Variants in ZNF326 observed in about 807,000 individuals in gnomAD.
ZNF326 encodes the protein DBIRD complex subunit ZNF326.
In ZNF326, 30 loss-of-function variants were observed where a neutral mutation model predicts 63.1. That is an observed-to-expected ratio of 0.48 (90% confidence interval 0.36 to 0.64). ZNF326 has a LOEUF of 0.64. Ranked by LOEUF, ZNF326 falls within the 30% of genes least tolerant of loss-of-function variation. The probability of loss-of-function intolerance (pLI) is 0.00; values close to 1 mark genes in which losing one functional copy is unlikely to be tolerated. For missense variants in ZNF326, 609 were observed against 720.3 expected (o/e 0.85, Z 1.77); for synonymous variants, 194 against 228.2 (o/e 0.85, Z 1.35).
intron 6 of ZNF326, 73 bp downstream of exon 6, chr1:90,010,359 T>G (rs1649178410): frequency 6.8e-7 from 1 of 1,470,264 alleles, no homozygotes; most frequent in African/African-American, 1.4e-5. Flanking sequence ...TTTTGGTAAT[T>G]TTTTCATGTT....
chr1:90,018,120 C>T (rs1043029755), intron 8 of ZNF326, among the ~76,000 whole-genome samples: 2 of 151,940 alleles, frequency 1.3e-5, no homozygotes, highest in African/African-American at 2.4e-5. Context: ...GGTGAAACCC[C>T]GTCTTTACTA....
At chr1:90,014,064 C>CAA (rs796712820) in intron 7 of ZNF326, among the ~76,000 whole-genome samples, 3 of 127,710 alleles carry the variant, frequency 2.3e-5, no homozygotes, top group East Asian at 4.5e-4. Context: ...GACTCTGTCT[C>CAA]AAAAAAAAAA....
intron 9 of ZNF326, among the ~76,000 whole-genome samples, chr1:90,020,126 CTTACGATTTTA>C (rs1649693372): frequency 6.6e-6 from 1 of 152,002 alleles, no homozygotes; most frequent in Non-Finnish European, 1.5e-5. Context: ...TTTTTCTTAT[CTTACGATTTTA>C]TTACATGATC....
At position 90,017,403 on chromosome 1, in the gene ZNF326, A is replaced by C. The variant is rs755236549; in HGVS notation, c.1013A>C (p.Glu338Ala). Residue 338 changes from glutamate (E) to alanine (A), a missense_variant, in exon 8 of 12, where the codon GAA becomes GCA. By Grantham distance (107) the Glu-to-Ala change is moderately radical. This residue lies in a region of ZNF326 where 399 missense variants were observed against 444.3 expected (regional missense o/e 0.90). Transcript: ENST00000340281. ...CATCTGGAAAGTTCTTCACATCAGG[A>C]AACATTAGATCATATACAGAAACAA... is the stretch of plus-strand genomic sequence containing the variant. ...ELHLESSSHQ[E>A]TLDHIQKQTK... The C allele has an allele frequency of 1.9e-6, 3 of 1,607,044 alleles. No individual in the cohort carries two copies. The highest frequency in any genetic ancestry group is 2.5e-6 in the Non-Finnish European group (3 of 1,178,046).
In ZNF326 at chr1:90,027,482, G is replaced by A; in HGVS notation, c.1530G>A (p.Glu510=). 6.2e-7 allele frequency: 1 copy of A among 1,613,590 alleles called. No homozygotes were observed. The highest frequency in any genetic ancestry group is 1.1e-5 in the South Asian group (1 of 91,030). ...ATGAAGATGAGGAAGAAGAAGCAGA[G>A]GAAGTGGGGGAAGTAGAGGAAGTGG... The part of the protein sequence containing the change: ...EEDEDEEEEA[E]EVGEVEEVEE... The change falls in exon 12 of 12, where the codon GAG becomes GAA. Residue 510 remains glutamate (E), a synonymous_variant. Coordinates refer to ENST00000340281, the MANE Select transcript of ZNF326 (RefSeq NM_182976.4).
In ZNF326 at chr1:89,997,856, T is replaced by A. The variant is rs189925889; in HGVS notation, c.17-254T>A. Among the ~76,000 whole-genome samples, 1,066 of 152,350 alleles carry A rather than the reference T, an allele frequency of 7.0e-3. 8 individuals carry two copies. The highest frequency in any genetic ancestry group is 0.011 in the Non-Finnish European group (728 of 68,028). On this transcript the variant is annotated intron_variant, in intron 1 of 11. Transcript: ENST00000340281. The stretch of plus-strand genomic sequence containing the variant: ...ATCCCCTCTTTTGGCTGTTATTATG[T>A]ATCAGGTGTTGTAAACTAATGTTTA...
Position 89,995,859 on chromosome 1 carries a change from G to GTGT in ZNF326, c.16+588_16+590dup, listed in dbSNP as rs751376799. ...GATGTTTCCTGGTTAGTAAACTGGGGTGTTTATCACCAAAAATTACCTGCT... is the reference window on the plus strand; with the variant it reads ...GATGTTTCCTGGTTAGTAAACTGGGGTGTTGTTTATCACCAAAAATTACCTGCT... On this transcript the variant is annotated intron_variant, in intron 1 of 11. Coordinates refer to ENST00000340281, the MANE Select transcript of ZNF326 (RefSeq NM_182976.4). Among the ~76,000 whole-genome samples the GTGT allele has an allele frequency of 2.6e-5, 4 of 152,316 alleles. No homozygotes were observed. The South Asian group carries it at 8.3e-4, about 32-fold the overall frequency.
rs983787793 is a variant in ZNF326 at position 90,033,033 on chromosome 1, A to C, written c.*5332A>C. 1 of 152,160 alleles carries C rather than the reference A, an allele frequency of 6.6e-6. No individual in the cohort carries two copies. The highest frequency in any genetic ancestry group is 1.5e-5 in the Non-Finnish European group (1 of 68,018). The allele number at this position is 152,160 out of a possible 1,614,324, so 9.4% of individuals were successfully genotyped here. On this transcript the variant is annotated 3_prime_UTR_variant, in exon 12 of 12. Transcript: ENST00000340281. Reference sequence around the variant, plus strand: ...ACTGTTCCTTTCTCCTTCCTCACACAATTAAAATGCTAGGTTTCCTGTAAT... The same window carrying C: ...ACTGTTCCTTTCTCCTTCCTCACACCATTAAAATGCTAGGTTTCCTGTAAT...
chr1:90,010,002 G>T (rs1649159368), intron 5 of ZNF326, 86 bp from the exon 6 acceptor site: 1 of 1,324,816 alleles, frequency 7.5e-7, no homozygotes, highest in Non-Finnish European at 1.0e-6. Context: ...GTGAAAATTA[G>T]TAGATAGTTA....
intron 11 of ZNF326, among the ~76,000 whole-genome samples, chr1:90,025,154 T>C (rs1483039434): frequency 3.9e-5 from 6 of 152,182 alleles, no homozygotes; most frequent in Non-Finnish European, 5.9e-5. Flanking sequence ...TCCTCTCTAT[T>C]ATTCACTCTT....
chr1:90,027,814 A>G lies in ZNF326; in HGVS notation c.*113A>G, dbSNP rs573206974. 59 of 933,948 alleles carry G rather than the reference A, an allele frequency of 6.3e-5. No individual in the cohort carries two copies. In the African/African-American group the frequency reaches 8.8e-4, roughly 14 times the overall value. 57.9% of individuals were successfully genotyped at this position (933,948 alleles called of 1,614,324 possible). A position where few individuals can be genotyped will look rare whatever the true frequency, so the allele number is the denominator to read the frequency against. On this transcript the variant is annotated 3_prime_UTR_variant, in exon 12 of 12. Coordinates refer to ENST00000340281, the MANE Select transcript of ZNF326 (RefSeq NM_182976.4). Reference sequence around the variant, plus strand: ...AACACCCATGTTGCATGCATTCCACATATTAAAATTTGTTTTATATAATTT... The same window carrying G: ...AACACCCATGTTGCATGCATTCCACGTATTAAAATTTGTTTTATATAATTT...
chr1:90,005,223 G>C lies in ZNF326; in HGVS notation c.188G>C (p.Ser63Thr), dbSNP rs1280257817. 6.2e-7 allele frequency: 1 copy of C among 1,611,556 alleles called. No homozygotes were observed. Among genetic ancestry groups the C allele is most frequent in the South Asian group, 1.1e-5 (1 of 90,588 alleles). ...LNQSYGMDNH[S>T]GGGGGSRFGP... The stretch of plus-strand genomic sequence containing the variant: ...CAGTCATATGGCATGGACAATCACA[G>C]TGGTGGTGGTGGGGGTAGCAGGTAA... The change falls in exon 4 of 12, where the codon AGT (serine) becomes ACT (threonine). Residue 63 changes from serine to threonine, a missense_variant. Ser to Thr is a moderately conservative substitution (Grantham distance 58). Around this residue, in one of 3 missense-constraint regions of ZNF326, gnomAD observed 97 missense variants for 88.7 expected, o/e 1.09. Transcript: ENST00000340281.
At chr1:90,005,279 C>T in intron 4 of ZNF326, 35 bp downstream of exon 4, 1 of 1,597,890 alleles carries the variant, frequency 6.3e-7, no homozygotes, top group Non-Finnish European at 8.5e-7. Context: ...AATAATTAGA[C>T]AACTATAAGA....
chr1:90,002,130 TC>T (rs1369452525), intron 2 of ZNF326, among the ~76,000 whole-genome samples: 5 of 152,210 alleles, frequency 3.3e-5, no homozygotes, highest in African/African-American at 1.2e-4. Context: ...AAAGCAGTCA[TC>T]TTACATTATC....
rs117752627 is a variant in ZNF326, at chr1:90,004,496, A to G, written c.62-507A>G. Among the ~76,000 whole-genome samples, 478 of 152,326 alleles carry G rather than the reference A, an allele frequency of 3.1e-3. 12 individuals are homozygous for G. Among genetic ancestry groups the G allele is most frequent in the East Asian group, 2.1e-3 (11 of 5,188 alleles). On this transcript the variant is annotated intron_variant, in intron 2 of 11. Transcript: ENST00000340281. ...TTATGTATCATTAATTATATATGCT[A>G]TAGTACTTAATACAAGGCCTTATAG... is the stretch of plus-strand genomic sequence containing the variant.
Position 89,995,245 on chromosome 1 carries a change from C to G in ZNF326, c.-13C>G, listed in dbSNP as rs1296402901. Reference sequence around the variant, plus strand: ...CCTAGCGCCGCCAAGGCCGACGGCCCTCAGCCTCTGCCATGGACTTCGAGG... The same window carrying G: ...CCTAGCGCCGCCAAGGCCGACGGCCGTCAGCCTCTGCCATGGACTTCGAGG... On this transcript the variant is annotated 5_prime_UTR_variant, in exon 1 of 12. Coordinates refer to ENST00000340281, the MANE Select transcript of ZNF326 (RefSeq NM_182976.4). The G allele has an allele frequency of 1.3e-6, 2 of 1,551,974 alleles. No homozygotes were observed. Among genetic ancestry groups the G allele is most frequent in the Non-Finnish European group, 8.7e-7 (1 of 1,151,098 alleles).
intron 1 of ZNF326, 122 bp downstream of exon 1, chr1:89,995,395 G>T (rs901803394): frequency 1.6e-5 from 21 of 1,301,038 alleles, no homozygotes; most frequent in African/African-American, 1.4e-4. Context: ...GAGGCCGCCC[G>T]CCCGCCCCGG....
intron 7 of ZNF326, 104 bp from the exon 8 acceptor site, chr1:90,017,213 G>A (rs2101080359): frequency 1.2e-6 from 1 of 826,642 alleles, no homozygotes; most frequent in Non-Finnish European, 1.8e-6. Context: ...AGGAAGAAAG[G>A]AAATCATTTA....
rs778504217 is a variant in ZNF326 at position 90,027,670 on chromosome 1, A to T, written c.1718A>T (p.Asp573Val). ...GAGACAGCAAAGGAAGAACCTGCTG[A>T]CTTCCCTGTTGAGCAACCTGAAGAA... ...EEETAKEEPA[D>V]FPVEQPEEN is the part of the protein sequence containing the mutation. Residue 573 changes from aspartate to valine, a missense_variant, in exon 12 of 12, where the codon GAC (aspartate) becomes GTC (valine). This residue lies in a region of ZNF326 where 399 missense variants were observed against 444.3 expected (regional missense o/e 0.90). Transcript: ENST00000340281. The T allele has an allele frequency of 8.1e-6, 13 of 1,613,956 alleles. No homozygotes were observed. In the East Asian group the frequency reaches 2.7e-4, roughly 33 times the overall value.
Sources: allele counts gnomAD v4.1 joint callset (sites outside exome capture counted in the v4.1 genomes callset), GRCh38; gene constraint gnomAD v4.1.1; regional missense constraint gnomAD v4.1.1; transcripts MANE v1.5; gene names NCBI Gene and HGNC (gene_info 2026-07-23, HGNC 2026-07-21).